AAMP: variants seen among roughly 807,000 people sequenced by gnomAD.
AAMP encodes the protein angio associated migratory cell protein.
A neutral mutation model predicts 51.1 loss-of-function variants in AAMP; 12 were observed. The observed-to-expected ratio is 0.23, with a 90% confidence interval of 0.15 to 0.38. The LOEUF is 0.38. Ranked by LOEUF, AAMP falls within the 10% of genes least tolerant of loss-of-function variation. AAMP has a pLI of 1.00. For missense variants in AAMP, 418 were observed against 557.2 expected (o/e 0.75, Z 2.52); for synonymous variants, 210 against 218.7 (o/e 0.96, Z 0.35).
intron 2 of AAMP, among the ~76,000 whole-genome samples, chr2:218,268,637 T>C (rs1369212802): frequency 6.6e-6 from 1 of 151,506 alleles, no homozygotes; most frequent in African/African-American, 2.4e-5. Flanking sequence ...CCACCGCACC[T>C]GGCCAATTAT....
Position 218,266,173 on chromosome 2 carries a change from G to A in AAMP, c.680-26C>T, listed in dbSNP as rs780596182. On this transcript the variant is annotated intron_variant, in intron 5 of 10. Coordinates refer to ENST00000248450, the MANE Select transcript of AAMP (RefSeq NM_001087.5). This position sits in a 1 kb window ranked among gnomAD's most constrained non-coding sequence, Gnocchi z 4.7. ...CTGAAGAGAGGCACAGATGAAGAGA[G>A]GGCAGAGGGCACGCTCACATACACT... 1.3e-5 allele frequency: 21 copies of A among 1,598,934 alleles called. No individual in the cohort carries two copies. Among genetic ancestry groups the A allele is most frequent in the Non-Finnish European group, 1.7e-5 (20 of 1,166,260 alleles).
rs1354639467 is a variant in AAMP at position 218,265,473 on chromosome 2, A to G, written c.984-12T>C. 5 of 1,575,724 alleles carry G rather than the reference A, an allele frequency of 3.2e-6. No homozygotes were observed. The highest frequency in any genetic ancestry group is 4.3e-6 in the Non-Finnish European group (5 of 1,157,334). Reference sequence around the variant, plus strand: ...CTGCCAGGGGCATCCTGGCCAGAGGAGCGTACCATGAAGACTCATGAGGGC... The same window carrying G: ...CTGCCAGGGGCATCCTGGCCAGAGGGGCGTACCATGAAGACTCATGAGGGC... On this transcript the variant is annotated splice_polypyrimidine_tract_variant and intron_variant, in intron 8 of 10. Transcript: ENST00000248450. This position sits in a 1 kb window ranked among gnomAD's most constrained non-coding sequence, Gnocchi z 6.6.
chr2:218,269,880 G>T (rs1415408431), intron 1 of AAMP, 86 bp downstream of exon 1: 2 of 1,579,512 alleles, frequency 1.3e-6, no homozygotes, highest in African/African-American at 1.3e-5. Flanking sequence ...GACCAGTCGG[G>T]TGTGGAGGGG....
chr2:218,267,342 G>C lies in AAMP; in HGVS notation c.394+152C>G. 4.2e-6 allele frequency: 5 copies of C among 1,191,386 alleles called. No individual in the cohort carries two copies. The highest frequency in any genetic ancestry group is 5.9e-6 in the Non-Finnish European group (5 of 840,922). 73.8% of individuals were successfully genotyped at this position (1,191,386 alleles called of 1,614,324 possible). A position where few individuals can be genotyped will look rare whatever the true frequency, so the allele number is the denominator to read the frequency against. On this transcript the variant is annotated intron_variant, in intron 3 of 10. Coordinates refer to ENST00000248450, the MANE Select transcript of AAMP (RefSeq NM_001087.5). This position sits in a 1 kb window ranked among gnomAD's most constrained non-coding sequence, Gnocchi z 4.6. ...CTGCCTCTGTGCCCAAAACACACTA[G>C]TATTCGCCCCGTGTCCCTGGGGCCC...
intron 2 of AAMP, among the ~76,000 whole-genome samples, 186 bp downstream of exon 2, chr2:218,269,196 T>G (rs987035902): frequency 6.6e-6 from 1 of 152,180 alleles, no homozygotes; most frequent in Non-Finnish European, 1.5e-5. Flanking sequence ...GTAGAGGGTG[T>G]CTCGACTGAT....
Position 218,264,354 on chromosome 2 carries a change from C to G in AAMP, c.*179G>C, listed in dbSNP as rs978924910. 5 of 633,428 alleles carry G rather than the reference C, an allele frequency of 7.9e-6. No individual in the cohort carries two copies. In the African/African-American group the frequency reaches 9.2e-5, roughly 12 times the overall value. The allele number at this position is 633,428 out of a possible 1,614,324, so 39.2% of individuals were successfully genotyped here. A position where few individuals can be genotyped will look rare whatever the true frequency, so the allele number is the denominator to read the frequency against. On this transcript the variant is annotated 3_prime_UTR_variant, in exon 11 of 11. Coordinates refer to ENST00000248450, the MANE Select transcript of AAMP (RefSeq NM_001087.5). ...AGGTCTGGACAAGGGTGGGAGGGCC[C>G]TGGGCTGGGTCTCTAAAGAGAAGAA... is the stretch of plus-strand genomic sequence containing the variant.
chr2:218,267,328 C>T lies in AAMP; in HGVS notation c.394+166G>A. On this transcript the variant is annotated intron_variant, in intron 3 of 10. Transcript: ENST00000248450. The surrounding 1 kb of genome is among the most constrained non-coding windows in gnomAD (Gnocchi z 4.6). ...CCAATTAGTGCCTCCTGCCTCTGTG[C>T]CCAAAACACACTAGTATTCGCCCCG... 9.2e-7 allele frequency: 1 copy of T among 1,086,666 alleles called. No homozygotes were observed. Among genetic ancestry groups the T allele is most frequent in the Non-Finnish European group, 1.3e-6 (1 of 752,332 alleles). 67.3% of individuals were successfully genotyped at this position (1,086,666 alleles called of 1,614,324 possible). A position where few individuals can be genotyped will look rare whatever the true frequency, so the allele number is the denominator to read the frequency against.
At position 218,267,240 on chromosome 2, in the gene AAMP, C is replaced by T; in HGVS notation, c.394+254G>A. 1 of 662,582 alleles carries T rather than the reference C, an allele frequency of 1.5e-6. No homozygotes were observed. Among genetic ancestry groups the T allele is most frequent in the Non-Finnish European group, 2.5e-6 (1 of 394,268 alleles). The allele number at this position is 662,582 out of a possible 1,614,324, so 41.0% of individuals were successfully genotyped here. A position where few individuals can be genotyped will look rare whatever the true frequency, so the allele number is the denominator to read the frequency against. On this transcript the variant is annotated intron_variant, in intron 3 of 10. Transcript: ENST00000248450. The surrounding 1 kb of genome is among the most constrained non-coding windows in gnomAD (Gnocchi z 4.6). ...TGCCTTCCCCCTTCTGTCCACTCTA[C>T]ACCTCTGCCCGCCTGCTCCTATACC...
Position 218,265,981 on chromosome 2 carries a change from C to A in AAMP, c.764-35G>T, listed in dbSNP as rs1201042105. 5 of 1,609,714 alleles carry A rather than the reference C, an allele frequency of 3.1e-6. No homozygotes were observed. Among genetic ancestry groups the A allele is most frequent in the Non-Finnish European group, 4.3e-6 (5 of 1,176,112 alleles). ...AGCAGGGAGGCAGCTCAGGCTTCGT[C>A]CTACCTCCCCTCTGAGTCCTGCCCC... On this transcript the variant is annotated intron_variant, in intron 6 of 10. Coordinates refer to ENST00000248450, the MANE Select transcript of AAMP (RefSeq NM_001087.5). The surrounding 1 kb of genome is among the most constrained non-coding windows in gnomAD (Gnocchi z 6.6).
intron 2 of AAMP, 116 bp downstream of exon 2, chr2:218,269,266 G>A (rs530383246): frequency 7.2e-5 from 99 of 1,384,278 alleles, no homozygotes; most frequent in Non-Finnish European, 8.0e-5. Context: ...CTCCTCCAGC[G>A]CAAGGCCAGC....
At chr2:218,269,266 G>T in intron 2 of AAMP, 116 bp downstream of exon 2, 2 of 1,384,270 alleles carry the variant, frequency 1.4e-6, no homozygotes, top group Non-Finnish European at 2.0e-6. Flanking sequence ...CTCCTCCAGC[G>T]CAAGGCCAGC....
chr2:218,267,325 G>T lies in AAMP; in HGVS notation c.394+169C>A. ...TGGCCAATTAGTGCCTCCTGCCTCT[G>T]TGCCCAAAACACACTAGTATTCGCC... On this transcript the variant is annotated intron_variant, in intron 3 of 10. Transcript: ENST00000248450. This position sits in a 1 kb window ranked among gnomAD's most constrained non-coding sequence, Gnocchi z 4.6. The T allele has an allele frequency of 9.5e-7, 1 of 1,047,466 alleles. No homozygotes were observed. The highest frequency in any genetic ancestry group is 1.5e-5 in the South Asian group (1 of 65,008). The allele number at this position is 1,047,466 out of a possible 1,614,324, so 64.9% of individuals were successfully genotyped here.
In AAMP at chr2:218,266,081, G is replaced by A. The variant is rs765066264; in HGVS notation, c.746C>T (p.Pro249Leu). ...IRIWDLKQGS[P>L]IHVLKGTEGH... Reference sequence around the variant, plus strand: ...TCTGATACCTTTCAGTACATGGATAGGGCTTCCCTGCTTCAGGTCCCAAAT... The same window carrying A: ...TCTGATACCTTTCAGTACATGGATAAGGCTTCCCTGCTTCAGGTCCCAAAT... Residue 249 changes from proline (P) to leucine (L), a missense_variant, in exon 6 of 11, where the codon CCT (proline) becomes CTT (leucine). By Grantham distance (98) the Pro-to-Leu change is moderately conservative (BLOSUM62 -3). Transcript: ENST00000248450. This position sits in a 1 kb window ranked among gnomAD's most constrained non-coding sequence, Gnocchi z 4.7. The A allele has an allele frequency of 7.4e-6, 12 of 1,614,050 alleles. No individual in the cohort carries two copies. Among genetic ancestry groups the A allele is most frequent in the Non-Finnish European group, 1.0e-5 (12 of 1,180,026 alleles).
intron 1 of AAMP, chr2:218,269,759 T>C: frequency 2.0e-6 from 2 of 992,588 alleles, no homozygotes; most frequent in Non-Finnish European, 3.0e-6. Context: ...AGGGGGTGTG[T>C]GAGGGGAAGG....
At chr2:218,269,087 C>A (rs776475913) in intron 2 of AAMP, among the ~76,000 whole-genome samples, 1 of 152,230 alleles carries the variant, frequency 6.6e-6, no homozygotes, top group Non-Finnish European at 1.5e-5. Flanking sequence ...CCTGCCTCAG[C>A]CTCCTAAAGT....
chr2:218,269,442 C>T lies in AAMP; in HGVS notation c.214G>A (p.Gly72Arg). The T allele has an allele frequency of 6.2e-7, 1 of 1,614,228 alleles. No homozygotes were observed. Among genetic ancestry groups the T allele is most frequent in the South Asian group, 1.1e-5 (1 of 91,088 alleles). The change falls in exon 2 of 11, where the codon GGG (glycine) becomes AGG (arginine). Residue 72 changes from glycine to arginine, a missense_variant. Coordinates refer to ENST00000248450, the MANE Select transcript of AAMP (RefSeq NM_001087.5). ...GGGCCCTCCATGCTGCCGACCACCCCTTCCTGGGGTTCTAGAACCCAGCCC... is the reference window on the plus strand; with the variant it reads ...GGGCCCTCCATGCTGCCGACCACCCTTTCCTGGGGTTCTAGAACCCAGCCC... ...EEGWVLEPQE[G>R]VVGSMEGPDD...
chr2:218,266,221 A>G lies in AAMP; in HGVS notation c.680-74T>C. On this transcript the variant is annotated intron_variant, in intron 5 of 10. Transcript: ENST00000248450. This position sits in a 1 kb window ranked among gnomAD's most constrained non-coding sequence, Gnocchi z 4.7. Reference sequence around the variant, plus strand: ...ACTAAGCAAGGGAATGGGGAGAGGGAGAGGAAAGAAGAGTGGAAGGGCCCA... The same window carrying G: ...ACTAAGCAAGGGAATGGGGAGAGGGGGAGGAAAGAAGAGTGGAAGGGCCCA... 1 of 1,435,360 alleles carries G rather than the reference A, an allele frequency of 7.0e-7. No homozygotes were observed. 88.9% of individuals were successfully genotyped at this position (1,435,360 alleles called of 1,614,324 possible).
rs544936536 is a variant in AAMP, at chr2:218,267,383, C to A, written c.394+111G>T. The A allele has an allele frequency of 2.0e-6, 3 of 1,500,740 alleles. No homozygotes were observed. The highest frequency in any genetic ancestry group is 4.5e-5 in the East Asian group (2 of 44,024). 93.0% of individuals were successfully genotyped at this position (1,500,740 alleles called of 1,614,324 possible). A position where few individuals can be genotyped will look rare whatever the true frequency, so the allele number is the denominator to read the frequency against. The stretch of plus-strand genomic sequence containing the variant: ...CCTGGGGCCCAGCACAGAGCTGGCA[C>A]AAAAGAGATGTCACTAAGTGGCTGT... On this transcript the variant is annotated intron_variant, in intron 3 of 10. Transcript: ENST00000248450. This position sits in a 1 kb window ranked among gnomAD's most constrained non-coding sequence, Gnocchi z 4.6.
chr2:218,269,652 GAC>G (rs1049125800), intron 1 of AAMP, 118 bp from the exon 2 acceptor site: 45 of 1,547,532 alleles, frequency 2.9e-5, no homozygotes, highest in Admixed American at 1.0e-4. Context: ...GGTGGAGTCA[GAC>G]ACACCGGGGT....
Sources: allele counts gnomAD v4.1 joint callset (sites outside exome capture counted in the v4.1 genomes callset), GRCh38; gene constraint gnomAD v4.1.1; non-coding constraint Gnocchi (gnomAD v3.1); transcripts MANE v1.5; gene names NCBI Gene and HGNC (gene_info 2026-07-23, HGNC 2026-07-21).